AP1B1: variants seen among roughly 807,000 people sequenced by gnomAD.
AP1B1 encodes AP-1 complex subunit beta-1.
AP1B1 carries 36 observed loss-of-function variants against 104.3 expected under a neutral mutation model. The observed-to-expected ratio is 0.35, with a 90% CI of 0.26 to 0.46. The LOEUF is 0.46. AP1B1 is among the 20% of genes least tolerant of loss of function. The pLI is 1.00. For synonymous variants in AP1B1, 504 were observed against 517.5 expected (o/e 0.97, Z 0.35); for missense variants, 901 against 1,247.9 (o/e 0.72, Z 4.19).
intron 11 of AP1B1, among the ~76,000 whole-genome samples, chr22:29,346,774 A>C (rs1026447073): frequency 6.6e-6 from 1 of 150,838 alleles, no homozygotes; most frequent in Non-Finnish European, 1.5e-5. Flanking sequence ...AAGCAAAGGC[A>C]GTCTGGAGGC....
rs1602743394 is a variant in AP1B1 at position 29,356,291 on chromosome 22, G to A, written c.716+135C>T. 2.4e-5 allele frequency: 22 copies of A among 917,260 alleles called. No individual in the cohort carries two copies. In the East Asian group the frequency reaches 5.6e-4, roughly 23 times the overall value. The allele number at this position is 917,260 out of a possible 1,614,324, so 56.8% of individuals were successfully genotyped here. On this transcript the variant is annotated intron_variant, in intron 6 of 22. Transcript: ENST00000357586. ...TGGGAAGCAGGCAGGCCTCCCTTTA[G>A]GTGTGTCTGAGGGTGGGTTATGGGG... is the stretch of plus-strand genomic sequence containing the variant.
At chr22:29,335,572 G>A (rs1297634608) in intron 16 of AP1B1, among the ~76,000 whole-genome samples, 1 of 152,272 alleles carries the variant, frequency 6.6e-6, no homozygotes, top group Admixed American at 6.5e-5. Context: ...GCTGCCAGGT[G>A]GCACCCCATT....
chr22:29,346,591 G>A (rs768655082), intron 11 of AP1B1, among the ~76,000 whole-genome samples: 15 of 152,192 alleles, frequency 9.9e-5, no homozygotes, highest in East Asian at 1.9e-4. Context: ...CTTGCCCGCC[G>A]CTCACCTCCC....
Position 29,328,573 on chromosome 22 carries a change from CACTT to C in AP1B1, c.*244_*247del. 1 of 492,870 alleles carries C rather than the reference CACTT, an allele frequency of 2.0e-6. No individual in the cohort carries two copies. The highest frequency in any genetic ancestry group is 3.7e-6 in the Non-Finnish European group (1 of 271,162). The allele number at this position is 492,870 out of a possible 1,614,324, so 30.5% of individuals were successfully genotyped here. On this transcript the variant is annotated 3_prime_UTR_variant, in exon 23 of 23. Transcript: ENST00000357586. This position sits in a 1 kb window ranked among gnomAD's most constrained non-coding sequence, Gnocchi z 4.1. Reference sequence around the variant, plus strand: ...GCTCTGTTTCCTTTGGTCCCCACCTCACTTAACCCCACATCACAGCCACAGGAGC... The same window carrying C: ...GCTCTGTTTCCTTTGGTCCCCACCTCAACCCCACATCACAGCCACAGGAGC...
chr22:29,373,064 T>C (rs182216117), intron 1 of AP1B1, among the ~76,000 whole-genome samples: 2 of 152,244 alleles, frequency 1.3e-5, no homozygotes, highest in Middle Eastern at 3.4e-3. Context: ...GGCGGACAAA[T>C]TGCTTGAGGC....
In AP1B1 at chr22:29,358,752, C is replaced by A. The variant is rs1472101194; in HGVS notation, c.499G>T (p.Asp167Tyr). 1.2e-6 allele frequency: 2 copies of A among 1,614,148 alleles called. No individual in the cohort carries two copies. The highest frequency in any genetic ancestry group is 8.5e-7 in the Non-Finnish European group (1 of 1,179,986). ...ATGGGGTTAGAGTCGGAGATGAGGT[C>A]TTTAAGGGTGTCCAGGAAGCCCTGG... is the stretch of plus-strand genomic sequence containing the variant. ...EDQGFLDTLK[D>Y]LISDSNPMVV... Residue 167 changes from aspartate (D) to tyrosine (Y), a missense_variant, in exon 5 of 23, where the codon GAC (aspartate) becomes TAC (tyrosine). By Grantham distance (160) the Asp-to-Tyr change is radical. Coordinates refer to ENST00000357586, the MANE Select transcript of AP1B1 (RefSeq NM_001127.4).
At chr22:29,347,751 C>A (rs1167253555) in intron 11 of AP1B1, among the ~76,000 whole-genome samples, 1 of 152,246 alleles carries the variant, frequency 6.6e-6, no homozygotes, top group Non-Finnish European at 1.5e-5. Flanking sequence ...GCAATCCCAG[C>A]ATCTGAGATA....
intron 9 of AP1B1, among the ~76,000 whole-genome samples, chr22:29,350,804 G>C (rs1328182568): frequency 6.6e-6 from 1 of 152,170 alleles, no homozygotes; most frequent in Non-Finnish European, 1.5e-5. Flanking sequence ...GAGGCACGTG[G>C]GCAGCTGAAT....
chr22:29,354,202 A>G (rs1194737208), intron 7 of AP1B1, among the ~76,000 whole-genome samples: 1 of 152,224 alleles, frequency 6.6e-6, no homozygotes, highest in African/African-American at 2.4e-5. Context: ...AAATGTACAC[A>G]GATACACAAA....
At chr22:29,332,076 G>A (rs940360751) in intron 17 of AP1B1, 160 bp from the exon 18 acceptor site, 3 of 678,184 alleles carry the variant, frequency 4.4e-6, no homozygotes, top group South Asian at 4.5e-5. Flanking sequence ...GATGGGCTGT[G>A]GGTCCCCTCC....
chr22:29,358,556 C>G (rs2061994875), intron 5 of AP1B1, among the ~76,000 whole-genome samples, 170 bp downstream of exon 5: 1 of 152,188 alleles, frequency 6.6e-6, no homozygotes, highest in Admixed American at 6.5e-5. Flanking sequence ...CTAGGTCTAG[C>G]TCCCTCCAGA....
rs1199492073 is a variant in AP1B1 at position 29,330,623 on chromosome 22, C to T, written c.2611G>A (p.Glu871Lys). ...FQIRDCPLNAEAASSKLQSSN... is the reference protein window; with the variant it reads ...FQIRDCPLNAKAASSKLQSSN... Reference sequence around the variant, plus strand: ...GGGGTCGGGGGCTCGGAGTCCTCACCTGCATTGAGGGGGCAGTCTCTGATC... The same window carrying T: ...GGGGTCGGGGGCTCGGAGTCCTCACTTGCATTGAGGGGGCAGTCTCTGATC... The change falls in exon 20 of 23, where the codon GAG (glutamate) becomes AAG (lysine). Residue 871 changes from glutamate to lysine, a missense_variant and splice_region_variant. This residue lies in a region of AP1B1 where 424 missense variants were observed against 494.0 expected (regional missense o/e 0.86). Coordinates refer to ENST00000357586, the MANE Select transcript of AP1B1 (RefSeq NM_001127.4). 6.2e-7 allele frequency: 1 copy of T among 1,613,856 alleles called. No individual in the cohort carries two copies.
At chr22:29,385,489 C>G in intron 1 of AP1B1, among the ~76,000 whole-genome samples, 1 of 152,142 alleles carries the variant, frequency 6.6e-6, no homozygotes, top group East Asian at 1.9e-4. Flanking sequence ...CAAAAGAGAG[C>G]TAGGCAGGGG....
chr22:29,353,482 TCTGCTCTACTAGTCACTACG>T (rs1368690361), intron 7 of AP1B1, among the ~76,000 whole-genome samples: 1 of 152,198 alleles, frequency 6.6e-6, no homozygotes, highest in East Asian at 1.9e-4. Flanking sequence ...TGCACGCTGA[TCTGCTCTACTAGTCACTACG>T]CCGCATTAAA....
At chr22:29,330,174 C>T (rs887174599) in intron 21 of AP1B1, 11 of 1,440,830 alleles carry the variant, frequency 7.6e-6, no homozygotes, top group East Asian at 2.5e-5. Context: ...CTCACTGTTC[C>T]GAGACCCAAT....
intron 1 of AP1B1, among the ~76,000 whole-genome samples, chr22:29,374,996 C>T (rs576157153): frequency 1.3e-5 from 2 of 152,246 alleles, no homozygotes; most frequent in East Asian, 1.9e-4. Flanking sequence ...CAACTCTATA[C>T]ATAAATAAAA....
chr22:29,356,394 C>T (rs2061958265), intron 6 of AP1B1, 32 bp downstream of exon 6: 2 of 1,586,834 alleles, frequency 1.3e-6, no homozygotes, highest in Non-Finnish European at 1.7e-6. Flanking sequence ...GGTCCTCAAG[C>T]TGGGCTGGCA....
At position 29,329,678 on chromosome 22, in the gene AP1B1, G is replaced by A. The variant is rs368833345; in HGVS notation, c.2775+34C>T. The A allele has an allele frequency of 6.2e-6, 10 of 1,613,080 alleles. No individual in the cohort carries two copies. The East Asian group carries it at 1.3e-4, about 22-fold the overall frequency. ...CCATGACAGGAGACAAGACTGGGGA[G>A]GGCGGACGGGGAAAGAGAAAGCGAT... On this transcript the variant is annotated intron_variant, in intron 22 of 22. Transcript: ENST00000357586.
intron 1 of AP1B1, among the ~76,000 whole-genome samples, chr22:29,381,827 CT>C (rs950358318): frequency 1.9e-4 from 29 of 151,930 alleles, no homozygotes; most frequent in Middle Eastern, 3.4e-3. Context: ...GTACCAGGTC[CT>C]TGCCTCCAGG....
Sources: gnomAD v4.1 joint callset for allele counts (sites outside exome capture counted in the v4.1 genomes callset) on GRCh38, gnomAD v4.1.1 for gene constraint, gnomAD v4.1.1 regional missense constraint, Gnocchi (gnomAD v3.1) non-coding constraint, MANE v1.5 for transcripts, NCBI Gene and HGNC (gene_info 2026-07-23, HGNC 2026-07-21) for gene names.